Variants in IGSF3 observed in about 807,000 individuals in gnomAD.
IGSF3 encodes glu-Trp-Ile EWI motif-containing protein 3.
Under a neutral mutation model 114.4 loss-of-function variants are expected in IGSF3, and 23 were observed. That is an observed-to-expected ratio of 0.20 (90% CI 0.14 to 0.28). IGSF3 has a LOEUF of 0.28. Ranked by LOEUF, IGSF3 falls within the 10% of genes least tolerant of loss-of-function variation. IGSF3 has a pLI of 1.00. For missense variants in IGSF3, 1,172 were observed against 1,591.5 expected, an observed-to-expected ratio of 0.74 and a Z score of 4.48; for synonymous variants, 571 against 645.2, an observed-to-expected ratio of 0.88 and a Z score of 1.74.
rs916136014 is a variant in IGSF3 at position 116,650,429 on chromosome 1, C to A, written c.43+15855G>T. Among the ~76,000 whole-genome samples the A allele has an allele frequency of 5.3e-5, 8 of 152,214 alleles. No homozygotes were observed. The highest frequency in any genetic ancestry group is 8.8e-5 in the Non-Finnish European group (6 of 68,044). On this transcript the variant is annotated intron_variant, in intron 2 of 10. Coordinates refer to ENST00000369486, the MANE Select transcript of IGSF3 (RefSeq NM_001007237.3). The surrounding 1 kb of genome is among the most constrained non-coding windows in gnomAD (Gnocchi z 5.0). ...AAACATCTTTCCCAGAATCTCCCAG[C>A]AGACTTCTCATACCTCAGTGGCCAA...
chr1:116,656,759 C>T (rs1179252032), intron 2 of IGSF3, among the ~76,000 whole-genome samples: 2 of 152,042 alleles, frequency 1.3e-5, no homozygotes, highest in East Asian at 3.9e-4. Context: ...GAAACCCCAT[C>T]TCTACTAAAA....
rs539636323 is a variant in IGSF3 at position 116,648,325 on chromosome 1, G to A, written c.43+17959C>T. On this transcript the variant is annotated intron_variant, in intron 2 of 10. Transcript: ENST00000369486. This position sits in a 1 kb window ranked among gnomAD's most constrained non-coding sequence, Gnocchi z 4.7. ...TGCCGGCTGTCTCCCAAGTCTGAAGGGTTTTCCTCTGGGTATTAGGAGTTG... is the reference window on the plus strand; with the variant it reads ...TGCCGGCTGTCTCCCAAGTCTGAAGAGTTTTCCTCTGGGTATTAGGAGTTG... Among the ~76,000 whole-genome samples, 1 of 152,296 alleles carries A rather than the reference G, an allele frequency of 6.6e-6. No homozygotes were observed. The highest frequency in any genetic ancestry group is 3.4e-3 in the Middle Eastern group (1 of 294).
At position 116,618,957 on chromosome 1, in the gene IGSF3, T is replaced by C. The variant is rs1661319540; in HGVS notation, c.44-2500A>G. ...CTACACTGGAATCACCTGGGGAGCTTTAAAGAACTAACAGTGCCTGGACCC... is the reference window on the plus strand; with the variant it reads ...CTACACTGGAATCACCTGGGGAGCTCTAAAGAACTAACAGTGCCTGGACCC... On this transcript the variant is annotated intron_variant, in intron 2 of 10. Transcript: ENST00000369486. This position sits in a 1 kb window ranked among gnomAD's most constrained non-coding sequence, Gnocchi z 4.7. Among the ~76,000 whole-genome samples, 1 of 152,144 alleles carries C rather than the reference T, an allele frequency of 6.6e-6. No individual in the cohort carries two copies. Among genetic ancestry groups the C allele is most frequent in the Admixed American group, 6.5e-5 (1 of 15,282 alleles).
In IGSF3 at chr1:116,577,107, T is replaced by C. The variant is rs1659378027; in HGVS notation, c.*205A>G. 3.5e-6 allele frequency: 2 copies of C among 579,518 alleles called. No homozygotes were observed. Among genetic ancestry groups the C allele is most frequent in the South Asian group, 2.1e-5 (1 of 46,694 alleles). 35.9% of individuals were successfully genotyped at this position (579,518 alleles called of 1,614,324 possible). ...AATCTATAATGGCAGGATCACAACA[T>C]TTGCGCGCAAATAGCTAACCAACCA... is the stretch of plus-strand genomic sequence containing the variant. On this transcript the variant is annotated 3_prime_UTR_variant, in exon 11 of 11. Coordinates refer to ENST00000369486, the MANE Select transcript of IGSF3 (RefSeq NM_001007237.3). The surrounding 1 kb of genome is among the most constrained non-coding windows in gnomAD (Gnocchi z 5.7).
In IGSF3 at chr1:116,608,672, T is replaced by C. The variant is rs183689001; in HGVS notation, c.833-341A>G. On this transcript the variant is annotated intron_variant, in intron 4 of 10. Transcript: ENST00000369486. ...GAAGCTACTAATATCACTCAAATGG[T>C]AGATTACAAATATCTAGCCTTGATA... Among the ~76,000 whole-genome samples the C allele has an allele frequency of 1.1e-4, 17 of 152,302 alleles. No individual in the cohort carries two copies. The East Asian group carries it at 3.3e-3, about 29-fold the overall frequency.
Position 116,579,319 on chromosome 1 carries a change from C to A in IGSF3, c.3334+73G>T, listed in dbSNP as rs1571109276. ...AGAAAACTGTTTATTAACCCATAATCAAGCTCAAATTTATCTTCCAGACAC... is the reference window on the plus strand; with the variant it reads ...AGAAAACTGTTTATTAACCCATAATAAAGCTCAAATTTATCTTCCAGACAC... On this transcript the variant is annotated intron_variant, in intron 10 of 10. Coordinates refer to ENST00000369486, the MANE Select transcript of IGSF3 (RefSeq NM_001007237.3). This position sits in a 1 kb window ranked among gnomAD's most constrained non-coding sequence, Gnocchi z 6.4. 2.7e-6 allele frequency: 4 copies of A among 1,507,322 alleles called. No individual in the cohort carries two copies. The East Asian group carries it at 9.1e-5, about 34-fold the overall frequency. 93.4% of individuals were successfully genotyped at this position (1,507,322 alleles called of 1,614,324 possible).
intron 2 of IGSF3, among the ~76,000 whole-genome samples, chr1:116,653,783 C>T (rs1272597465): frequency 6.6e-6 from 1 of 152,158 alleles, no homozygotes; most frequent in Non-Finnish European, 1.5e-5. Context: ...TATCTTGTTG[C>T]TCCCTTCTAG....
rs1487426528 is a variant in IGSF3, at chr1:116,599,874, C to T, written c.2029+67G>A. Reference sequence around the variant, plus strand: ...AGTGACGCTAAGGGCTCCACGCACACCTTTCTTTTTCCCTCACGTCTGCTC... The same window carrying T: ...AGTGACGCTAAGGGCTCCACGCACATCTTTCTTTTTCCCTCACGTCTGCTC... On this transcript the variant is annotated intron_variant, in intron 7 of 10. Transcript: ENST00000369486. 2.8e-6 allele frequency: 4 copies of T among 1,452,326 alleles called. No homozygotes were observed. In the African/African-American group the frequency reaches 4.2e-5, roughly 15 times the overall value. 90.0% of individuals were successfully genotyped at this position (1,452,326 alleles called of 1,614,324 possible).
intron 2 of IGSF3, among the ~76,000 whole-genome samples, chr1:116,637,596 G>A (rs994996753): frequency 6.6e-6 from 1 of 152,174 alleles, no homozygotes; most frequent in Non-Finnish European, 1.5e-5. Context: ...GTGCAGACAA[G>A]ATGGCTGTTT....
At chr1:116,641,224 G>A (rs1047486625) in intron 2 of IGSF3, among the ~76,000 whole-genome samples, 7 of 152,150 alleles carry the variant, frequency 4.6e-5, no homozygotes, top group South Asian at 2.1e-4. Flanking sequence ...AGAACGGGGC[G>A]TGGTGGCTCA....
At chr1:116,643,242 A>T (rs1398482658) in intron 2 of IGSF3, among the ~76,000 whole-genome samples, 1 of 152,212 alleles carries the variant, frequency 6.6e-6, no homozygotes, top group African/African-American at 2.4e-5. Context: ...AAAGTGACTT[A>T]AAGAACCCAG....
chr1:116,601,583 A>T (rs1660591950), intron 6 of IGSF3, among the ~76,000 whole-genome samples: 1 of 152,254 alleles, frequency 6.6e-6, no homozygotes. Flanking sequence ...ATTTAAAAAA[A>T]GTACTTTAAA....
chr1:116,595,935 A>C lies in IGSF3; in HGVS notation c.2029+4006T>G, dbSNP rs766184483. On this transcript the variant is annotated intron_variant, in intron 7 of 10. Coordinates refer to ENST00000369486, the MANE Select transcript of IGSF3 (RefSeq NM_001007237.3). The surrounding 1 kb of genome is among the most constrained non-coding windows in gnomAD (Gnocchi z 4.2). ...TAAGCACCCCTTGAGGGGTCACACT[A>C]TGTGATCAATGGGGATCAGACTAAG... Among the ~76,000 whole-genome samples, 1 of 152,258 alleles carries C rather than the reference A, an allele frequency of 6.6e-6. No homozygotes were observed. Among genetic ancestry groups the C allele is most frequent in the Admixed American group, 6.5e-5 (1 of 15,290 alleles).
At position 116,642,712 on chromosome 1, in the gene IGSF3, GTGCAGCGC is replaced by G. The variant is rs1469719781; in HGVS notation, c.43+23564_43+23571del. On this transcript the variant is annotated intron_variant, in intron 2 of 10. Transcript: ENST00000369486. The surrounding 1 kb of genome is among the most constrained non-coding windows in gnomAD (Gnocchi z 5.4). ...CCCTGAAGAGCTTGGCTGCCAGCAG[GTGCAGCGC>G]TGCCCTGGGATACCAGCTCCTGGGA... Among the ~76,000 whole-genome samples, 1 of 152,244 alleles carries G rather than the reference GTGCAGCGC, an allele frequency of 6.6e-6. No homozygotes were observed. The highest frequency in any genetic ancestry group is 1.5e-5 in the Non-Finnish European group (1 of 68,044).
chr1:116,630,407 C>G (rs1320983658), intron 2 of IGSF3, among the ~76,000 whole-genome samples: 1 of 152,192 alleles, frequency 6.6e-6, no homozygotes, highest in African/African-American at 2.4e-5. Flanking sequence ...AAATCTGCAG[C>G]AAACTAGCAT....
rs1647344021 is a variant in IGSF3 at position 116,627,430 on chromosome 1, C to G, written c.44-10973G>C. Among the ~76,000 whole-genome samples the G allele has an allele frequency of 6.6e-6, 1 of 152,168 alleles. No individual in the cohort carries two copies. The highest frequency in any genetic ancestry group is 1.5e-5 in the Non-Finnish European group (1 of 68,030). On this transcript the variant is annotated intron_variant, in intron 2 of 10. Coordinates refer to ENST00000369486, the MANE Select transcript of IGSF3 (RefSeq NM_001007237.3). The surrounding 1 kb of genome is among the most constrained non-coding windows in gnomAD (Gnocchi z 4.7). The stretch of plus-strand genomic sequence containing the variant: ...AAACAGTCCCTCTACTGGCCGCCAC[C>G]ACCACCCTCTCCTAAAGAGGACTGG...
rs921997823 is a variant in IGSF3, at chr1:116,666,555, A to G, written c.-229T>C. ...CCCTATGCTACAGGAAGGGTCCACA[A>G]CAATTCGGAAGTCGCTCCCGGCTCC... On this transcript the variant is annotated 5_prime_UTR_variant, in exon 2 of 11. Coordinates refer to ENST00000369486, the MANE Select transcript of IGSF3 (RefSeq NM_001007237.3). 6 of 603,582 alleles carry G rather than the reference A, an allele frequency of 9.9e-6. No individual in the cohort carries two copies. The highest frequency in any genetic ancestry group is 9.3e-5 in the African/African-American group (5 of 53,898). The allele number at this position is 603,582 out of a possible 1,614,324, so 37.4% of individuals were successfully genotyped here.
intron 2 of IGSF3, among the ~76,000 whole-genome samples, chr1:116,659,475 G>A (rs960640482): frequency 3.3e-5 from 5 of 152,072 alleles, no homozygotes; most frequent in Non-Finnish European, 5.9e-5. Flanking sequence ...AAAATCAGGG[G>A]GCATTCACAC....
At position 116,577,941 on chromosome 1, in the gene IGSF3, A is replaced by G. The variant is rs114737404; in HGVS notation, c.3335-379T>C. 0.011 allele frequency among the ~76,000 whole-genome samples: 1,618 copies of G among 152,236 alleles called. 26 individuals are homozygous for G. Among genetic ancestry groups the G allele is most frequent in the African/African-American group, 0.037 (1,534 of 41,520 alleles). The stretch of plus-strand genomic sequence containing the variant: ...GGTTGGATTTTACATGCCCCTTTGC[A>G]CTTAGTTCTGCTACAGACTTCCTTC... On this transcript the variant is annotated intron_variant, in intron 10 of 10. Transcript: ENST00000369486. The surrounding 1 kb of genome is among the most constrained non-coding windows in gnomAD (Gnocchi z 5.7).
Sources: allele counts gnomAD v4.1 joint callset (sites outside exome capture counted in the v4.1 genomes callset), GRCh38; gene constraint gnomAD v4.1.1; non-coding constraint Gnocchi (gnomAD v3.1); transcripts MANE v1.5; gene names NCBI Gene and HGNC (gene_info 2026-07-23, HGNC 2026-07-21).